NCKAP5: variants seen among roughly 807,000 people sequenced by gnomAD.
The protein encoded by NCKAP5 is nck-associated protein 5.
A neutral mutation model predicts 167.0 loss-of-function variants in NCKAP5; 92 were observed. The ratio of observed to expected loss-of-function variants is 0.55; its 90% CI spans 0.47 to 0.66. The LOEUF is 0.66. Ranked by LOEUF, NCKAP5 falls within the 30% of genes least tolerant of loss-of-function variation. The pLI, the probability that NCKAP5 is intolerant of heterozygous loss-of-function variation, is 0.00. For missense variants in NCKAP5, 2,378 were observed against 2,315.0 expected, an observed-to-expected ratio of 1.03 and a Z score of -0.56; for synonymous variants, 891 against 877.4, an observed-to-expected ratio of 1.02 and a Z score of -0.27.
In NCKAP5 at chr2:132,784,478, T is replaced by G. The variant is rs769262553; in HGVS notation, c.2333A>C (p.His778Pro). 7.6e-6 allele frequency: 12 copies of G among 1,584,774 alleles called. No homozygotes were observed. The highest frequency in any genetic ancestry group is 1.7e-4 in the Middle Eastern group (1 of 5,912). Residue 778 changes from histidine to proline, a missense_variant, in exon 14 of 20, where the codon CAC (histidine) becomes CCC (proline). Around this residue, in one of 3 missense-constraint regions of NCKAP5, gnomAD observed 1,049 missense variants for 1,023.4 expected, o/e 1.02. Transcript: ENST00000409261. ...GGAATTACTCTGGCATGATATATTG[T>G]GTGTTGGTTTGACCAGCTTTTGCTG... is the stretch of plus-strand genomic sequence containing the variant. ...PQQQKLVKPT[H>P]NISCQSNSRS... is the part of the protein sequence containing the mutation.
chr2:132,682,991 C>T (rs1424926847), intron 19 of NCKAP5, among the ~76,000 whole-genome samples: 1 of 151,128 alleles, frequency 6.6e-6, no homozygotes, highest in African/African-American at 2.4e-5. Flanking sequence ...TCATGCTATT[C>T]TCCTGCCTCA....
At chr2:133,326,903 A>G (rs1682491564) in intron 3 of NCKAP5, among the ~76,000 whole-genome samples, 3 of 152,152 alleles carry the variant, frequency 2.0e-5, no homozygotes, top group Admixed American at 6.5e-5. Flanking sequence ...ACTGAATCAG[A>G]ATCTGTTCAA....
chr2:133,381,068 C>T (rs1686485072), intron 3 of NCKAP5, among the ~76,000 whole-genome samples: 1 of 152,176 alleles, frequency 6.6e-6, no homozygotes. Flanking sequence ...ATTTCAGCTC[C>T]AGAACAAGTC....
chr2:132,964,130 C>A (rs746553739), intron 7 of NCKAP5, among the ~76,000 whole-genome samples: 1 of 152,166 alleles, frequency 6.6e-6, no homozygotes, highest in Non-Finnish European at 1.5e-5. Flanking sequence ...GCCAGCAAAG[C>A]CATAGGTGGA....
Position 132,783,283 on chromosome 2 carries a change from A to G in NCKAP5, c.3528T>C (p.Asn1176=), listed in dbSNP as rs755042354. 5.6e-6 allele frequency: 9 copies of G among 1,613,882 alleles called. No homozygotes were observed. Among genetic ancestry groups the G allele is most frequent in the Non-Finnish European group, 7.6e-6 (9 of 1,179,874 alleles). Residue 1176 remains asparagine (N), a synonymous_variant, in exon 14 of 20, where the codon AAT becomes AAC. Coordinates refer to ENST00000409261, the MANE Select transcript of NCKAP5 (RefSeq NM_207363.3). ...VPGKHEKDSL[N]EASKSSVAVN... is the part of the protein sequence containing the mutation. ...CAGCCACGGAACTTTTGGAGGCTTCATTTAAACTGTCTTTTTCATGTTTCC... is the reference window on the plus strand; with the variant it reads ...CAGCCACGGAACTTTTGGAGGCTTCGTTTAAACTGTCTTTTTCATGTTTCC...
At chr2:133,148,259 T>C (rs1220088001) in intron 5 of NCKAP5, among the ~76,000 whole-genome samples, 1 of 152,114 alleles carries the variant, frequency 6.6e-6, no homozygotes, top group East Asian at 1.9e-4. Context: ...TCAACTTTTA[T>C]TGGCTGATAA....
chr2:133,290,781 T>C (rs935311277), intron 4 of NCKAP5, among the ~76,000 whole-genome samples: 30 of 137,946 alleles, frequency 2.2e-4, no homozygotes, highest in Non-Finnish European at 3.7e-4. Flanking sequence ...TGATACAGGG[T>C]CTTGCTCTGT....
chr2:133,213,666 C>A, intron 5 of NCKAP5, 50 bp downstream of exon 5: 1 of 1,590,362 alleles, frequency 6.3e-7, no homozygotes, highest in Non-Finnish European at 8.6e-7. Flanking sequence ...AGCTTTCAAG[C>A]CAGAGACCTC....
intron 13 of NCKAP5, 105 bp from the exon 14 acceptor site, chr2:132,785,823 C>A (rs1432496378): frequency 1.5e-5 from 13 of 852,380 alleles, no homozygotes; most frequent in Non-Finnish European, 1.8e-5. Context: ...TGGTTGGTAA[C>A]TATTCACATA....
At chr2:133,629,381 G>C in the NCKAP5 span, among the ~76,000 whole-genome samples, 1 of 152,178 alleles carries the variant, frequency 6.6e-6, no homozygotes, top group East Asian at 1.9e-4. Flanking sequence ...ATGAAAAAAA[G>C]CTCAGTATCA....
At chr2:132,869,177 G>A (rs1469363383) in intron 9 of NCKAP5, among the ~76,000 whole-genome samples, 1 of 152,016 alleles carries the variant, frequency 6.6e-6, no homozygotes, top group African/African-American at 2.4e-5. Flanking sequence ...AGGTGACCTT[G>A]TTGCTAATTA....
intron 3 of NCKAP5, among the ~76,000 whole-genome samples, chr2:133,304,628 G>A (rs1381987497): frequency 6.6e-6 from 1 of 152,184 alleles, no homozygotes. Flanking sequence ...TCTCAAATAT[G>A]TTCAGCCAAG....
intron 11 of NCKAP5, among the ~76,000 whole-genome samples, chr2:132,859,675 G>A (rs1366921701): frequency 6.6e-6 from 1 of 152,220 alleles, no homozygotes; most frequent in East Asian, 1.9e-4. Flanking sequence ...GCCGCCCTTT[G>A]CACATTGCAC....
intron 3 of NCKAP5, among the ~76,000 whole-genome samples, chr2:133,348,686 A>T (rs556722533): frequency 6.6e-6 from 1 of 151,770 alleles, no homozygotes; most frequent in Admixed American, 6.6e-5. Flanking sequence ...TTTTCTCTTG[A>T]CTCCCCCCTT....
At chr2:132,762,235 T>G (rs1348022569) in intron 16 of NCKAP5, among the ~76,000 whole-genome samples, 1 of 152,226 alleles carries the variant, frequency 6.6e-6, no homozygotes, top group Non-Finnish European at 1.5e-5. Flanking sequence ...TAGAGAGCTC[T>G]TAATAAGGAG....
rs138989576 is a variant in NCKAP5, at chr2:133,194,845, T to C, written c.207+18871A>G. Among the ~76,000 whole-genome samples, 148 of 151,090 alleles carry C rather than the reference T, an allele frequency of 9.8e-4. 2 individuals carry two copies. The East Asian group carries it at 0.028, about 29-fold the overall frequency. ...CTAGATAAAAGAGCTCGTGGAAGTA[T>C]AGACAGATACTAGATAACAGATTGT... On this transcript the variant is annotated intron_variant, in intron 5 of 19. Transcript: ENST00000409261.
intron 6 of NCKAP5, among the ~76,000 whole-genome samples, chr2:133,012,621 G>C (rs1008724553): frequency 2.0e-5 from 3 of 151,978 alleles, no homozygotes; most frequent in African/African-American, 4.8e-5. Flanking sequence ...GCCTGCACTG[G>C]CCACCCCTTC....
At chr2:132,816,294 AG>A (rs1686264860) in intron 11 of NCKAP5, among the ~76,000 whole-genome samples, 1 of 152,106 alleles carries the variant, frequency 6.6e-6, no homozygotes, top group Non-Finnish European at 1.5e-5. Flanking sequence ...AAAAGTGCAA[AG>A]TCAATAGCAG....
At chr2:133,495,407 G>T (rs1236000682) in intron 3 of NCKAP5, among the ~76,000 whole-genome samples, 2 of 152,150 alleles carry the variant, frequency 1.3e-5, no homozygotes. Context: ...AAAACCAGTT[G>T]CTTAGCACAG....
Sources: gnomAD v4.1 joint callset for allele counts (sites outside exome capture counted in the v4.1 genomes callset) on GRCh38, gnomAD v4.1.1 for gene constraint, gnomAD v4.1.1 regional missense constraint, MANE v1.5 for transcripts, NCBI Gene and HGNC (gene_info 2026-07-23, HGNC 2026-07-21) for gene names.